MYOC: variants seen among roughly 807,000 people sequenced by gnomAD.
MYOC encodes the protein juvenile-onset open-angle glaucoma 1.
In MYOC, 29 loss-of-function variants were observed where a neutral mutation model predicts 28.2. The observed-to-expected ratio is 1.03, with a 90% CI of 0.77 to 1.40. The LOEUF (loss-of-function observed/expected upper bound fraction) is 1.40. MYOC is among the 40% of genes most tolerant of loss of function. The pLI is 0.00. For synonymous variants in MYOC, 240 were observed against 245.6 expected (o/e 0.98, Z 0.21); for missense variants, 569 against 620.6 (o/e 0.92, Z 0.88).
At chr1:171,640,172 A>G (rs1425946939) in intron 1 of MYOC, among the ~76,000 whole-genome samples, 1 of 151,816 alleles carries the variant, frequency 6.6e-6, no homozygotes, top group African/African-American at 2.4e-5. Context: ...TAACATATTA[A>G]GCTTTATACT....
rs374805593 is a variant in MYOC at position 171,636,501 on chromosome 1, A to G, written c.939T>C (p.Ser313=). The change falls in exon 3 of 3, where the codon TCT becomes TCC. Residue 313 remains serine (S), a synonymous_variant. Transcript: ENST00000037502. ...GTGGCCTAGGCAGTATGTGAACCTT[A>G]GAAGGGTAGCCCTGCATAAACTGGC... ...LISQFMQGYP[S]KVHILPRPLE... 1.3e-5 allele frequency: 21 copies of G among 1,612,828 alleles called. No individual in the cohort carries two copies. Among genetic ancestry groups the G allele is most frequent in the East Asian group, 2.2e-5 (1 of 44,868 alleles).
intron 1 of MYOC, among the ~76,000 whole-genome samples, chr1:171,644,932 T>C (rs1224923140): frequency 2.0e-5 from 3 of 152,156 alleles, no homozygotes; most frequent in African/African-American, 7.2e-5. Flanking sequence ...CGCTGGGACT[T>C]GAACCCATGT....
chr1:171,636,442 C>T lies in MYOC; in HGVS notation c.998G>A (p.Ser333Asn), dbSNP rs746048852. 29 of 1,614,012 alleles carry T rather than the reference C, an allele frequency of 1.8e-5. No individual in the cohort carries two copies. The highest frequency in any genetic ancestry group is 2.3e-5 in the Non-Finnish European group (27 of 1,180,042). The change falls in exon 3 of 3, where the codon AGC becomes AAC. Residue 333 changes from serine (S) to asparagine (N), a missense_variant. Coordinates refer to ENST00000037502, the MANE Select transcript of MYOC (RefSeq NM_000261.2). ...GGACTCAGCGCCCTGGAAATAGAGG[C>T]TCCCCGAGTACACCACAGCACCCGT... is the stretch of plus-strand genomic sequence containing the variant. Reference protein sequence around the residue: ...ESTGAVVYSGSLYFQGAESRT... With the variant: ...ESTGAVVYSGNLYFQGAESRT...
chr1:171,641,102 G>T (rs1232552460), intron 1 of MYOC, among the ~76,000 whole-genome samples: 1 of 152,158 alleles, frequency 6.6e-6, no homozygotes, highest in Non-Finnish European at 1.5e-5. Flanking sequence ...CAACTGCTGT[G>T]GCGGGAGATG....
In MYOC at chr1:171,638,634, G is replaced by A; in HGVS notation, c.693C>T (p.Ser231=). 1.2e-6 allele frequency: 2 copies of A among 1,614,128 alleles called. No homozygotes were observed. Among genetic ancestry groups the A allele is most frequent in the Non-Finnish European group, 1.7e-6 (2 of 1,179,992 alleles). The change falls in exon 2 of 3, where the codon AGC becomes AGT. Residue 231 remains serine (S), a synonymous_variant. Transcript: ENST00000037502. ...CTCCACTCCTGAGATAGCCAGATGG[G>A]CTCTCCTTCAAAATTCGGGAAGCAG... is the stretch of plus-strand genomic sequence containing the variant. ...EVPASRILKE[S]PSGYLRSGEG...
At chr1:171,637,613 T>C (rs2102945211) in intron 2 of MYOC, among the ~76,000 whole-genome samples, 1 of 151,792 alleles carries the variant, frequency 6.6e-6, no homozygotes, top group East Asian at 1.9e-4. Flanking sequence ...AACAGATGTC[T>C]GTATTTTTTT....
At position 171,636,095 on chromosome 1, in the gene MYOC, C is replaced by T. The variant is rs572512491; in HGVS notation, c.1345G>A (p.Val449Ile). Reference sequence around the variant, plus strand: ...GTGCCTGTGTCATAAGCAAAGTTGACGGTAGCATCTGCTGAGGTGTAGCTG... The same window carrying T: ...GTGCCTGTGTCATAAGCAAAGTTGATGGTAGCATCTGCTGAGGTGTAGCTG... ...VSSYTSADATVNFAYDTGTGI... is the reference protein window; with the variant it reads ...VSSYTSADATINFAYDTGTGI... Residue 449 changes from valine (V) to isoleucine (I), a missense_variant, in exon 3 of 3, where the codon GTC becomes ATC. Coordinates refer to ENST00000037502, the MANE Select transcript of MYOC (RefSeq NM_000261.2). The T allele has an allele frequency of 3.4e-5, 55 of 1,614,136 alleles. 1 individual carries two copies. Among genetic ancestry groups the T allele is most frequent in the South Asian group, 3.4e-4 (31 of 91,086 alleles).
In MYOC at chr1:171,652,663, G is replaced by A. The variant is rs1653387981; in HGVS notation, c.-52C>T. On this transcript the variant is annotated 5_prime_UTR_variant, in exon 1 of 3. Coordinates refer to ENST00000037502, the MANE Select transcript of MYOC (RefSeq NM_000261.2). ...GGAAAGCTCTGCTGTGCTGAGAGGT[G>A]CCTGGATGGGTGGCCTTGCTGGCTC... 2 of 1,610,918 alleles carry A rather than the reference G, an allele frequency of 1.2e-6. No individual in the cohort carries two copies. The highest frequency in any genetic ancestry group is 1.7e-5 in the Admixed American group (1 of 59,844).
intron 1 of MYOC, among the ~76,000 whole-genome samples, chr1:171,642,504 C>T (rs922820496): frequency 3.3e-5 from 5 of 151,482 alleles, no homozygotes; most frequent in South Asian, 4.2e-4. Context: ...CTCAGCTACT[C>T]GGGAGGCTGA....
chr1:171,636,018 G>C lies in MYOC; in HGVS notation c.1422C>G (p.Ser474Arg). ...TIPFKNRYKY[S>R]SMIDYNPLEK... ...CCAGGGGGTTGTAGTCAATCATGCTGCTGTACTTATAGCGGTTCTTGAATG... is the reference window on the plus strand; with the variant it reads ...CCAGGGGGTTGTAGTCAATCATGCTCCTGTACTTATAGCGGTTCTTGAATG... Residue 474 changes from serine to arginine, a missense_variant, in exon 3 of 3, where the codon AGC becomes AGG. Ser to Arg is a moderately radical substitution (Grantham distance 110, BLOSUM62 -1). Transcript: ENST00000037502. 1 of 1,614,196 alleles carries C rather than the reference G, an allele frequency of 6.2e-7. No homozygotes were observed. Among genetic ancestry groups the C allele is most frequent in the Non-Finnish European group, 8.5e-7 (1 of 1,180,036 alleles).
intron 1 of MYOC, among the ~76,000 whole-genome samples, chr1:171,640,243 G>A (rs1653045840): frequency 6.6e-6 from 1 of 151,966 alleles, no homozygotes; most frequent in African/African-American, 2.4e-5. Flanking sequence ...TGGAGAGGGA[G>A]TGTGTGCAGA....
chr1:171,639,969 A>AAAT (rs1346559984), intron 1 of MYOC, among the ~76,000 whole-genome samples: 1 of 147,230 alleles, frequency 6.8e-6, no homozygotes, highest in Non-Finnish European at 1.5e-5. Flanking sequence ...AAAAAAAAAA[A>AAAT]AAAAGAAGTG....
At chr1:171,646,193 C>A (rs1472378028) in intron 1 of MYOC, among the ~76,000 whole-genome samples, 2 of 152,178 alleles carry the variant, frequency 1.3e-5, no homozygotes, top group Non-Finnish European at 2.9e-5. Context: ...GGACCTAAGC[C>A]GGAAGTCATA....
intron 1 of MYOC, among the ~76,000 whole-genome samples, chr1:171,640,864 A>G (rs1401638318): frequency 6.6e-6 from 1 of 152,204 alleles, no homozygotes; most frequent in Non-Finnish European, 1.5e-5. Flanking sequence ...TTAAAGCAAA[A>G]TTATGGAGAC....
rs1249595170 is a variant in MYOC at position 171,636,440 on chromosome 1, G to C, written c.1000C>G (p.Leu334Val). 6.2e-7 allele frequency: 1 copy of C among 1,614,102 alleles called. No individual in the cohort carries two copies. The highest frequency in any genetic ancestry group is 1.3e-5 in the African/African-American group (1 of 75,028). ...STGAVVYSGS[L>V]YFQGAESRTV... ...CTGGACTCAGCGCCCTGGAAATAGA[G>C]GCTCCCCGAGTACACCACAGCACCC... The change falls in exon 3 of 3, where the codon CTC (leucine) becomes GTC (valine). Residue 334 changes from leucine (L) to valine (V), a missense_variant. Leu to Val is a conservative substitution (Grantham distance 32). Transcript: ENST00000037502.
chr1:171,648,143 C>T (rs1485033430), intron 1 of MYOC, among the ~76,000 whole-genome samples: 1 of 151,118 alleles, frequency 6.6e-6, no homozygotes, highest in Non-Finnish European at 1.5e-5. Context: ...GAGCCAAGAT[C>T]GTGCCACCGC....
intron 1 of MYOC, among the ~76,000 whole-genome samples, chr1:171,643,041 G>C (rs1653115294): frequency 1.3e-5 from 2 of 152,136 alleles, no homozygotes; most frequent in Non-Finnish European, 2.9e-5. Context: ...GAGAGTCCTG[G>C]AAACTTTTAT....
At chr1:171,651,923 G>A (rs988996506) in intron 1 of MYOC, 85 bp downstream of exon 1, 83 of 1,588,414 alleles carry the variant, frequency 5.2e-5, no homozygotes, top group Non-Finnish European at 6.7e-5. Flanking sequence ...GAAAGGGCAG[G>A]CAGGGAGGCC....
rs1397512664 is a variant in MYOC at position 171,635,701 on chromosome 1, C to T, written c.*224G>A. 8.5e-6 allele frequency: 5 copies of T among 586,826 alleles called. No individual in the cohort carries two copies. The highest frequency in any genetic ancestry group is 1.2e-5 in the Non-Finnish European group (4 of 331,218). The allele number at this position is 586,826 out of a possible 1,614,324, so 36.4% of individuals were successfully genotyped here. ...TATGTCATTAAACATCCCATAAATG[C>T]TGACAGAAGATAAAGGATATTTATT... On this transcript the variant is annotated 3_prime_UTR_variant, in exon 3 of 3. Transcript: ENST00000037502.
Sources: gnomAD v4.1 joint callset for allele counts (sites outside exome capture counted in the v4.1 genomes callset) on GRCh38, gnomAD v4.1.1 for gene constraint, MANE v1.5 for transcripts, NCBI Gene and HGNC (gene_info 2026-07-23, HGNC 2026-07-21) for gene names.